The following RNF157 variants were observed in gnomAD, a reference collection of about 807,000 sequenced individuals.
RNF157 encodes E3 ubiquitin ligase RNF157.
In RNF157, 55 loss-of-function variants were observed where a neutral mutation model predicts 88.3. The ratio of observed to expected loss-of-function variants is 0.62; its 90% confidence interval spans 0.50 to 0.78. RNF157 has a LOEUF of 0.78. Among genes scored for constraint, RNF157 ranks in the 30% least tolerant of loss-of-function variants. RNF157 has a pLI of 0.00. For synonymous variants in RNF157, 334 were observed against 341.2 expected (o/e 0.98, Z 0.23); for missense variants, 788 against 860.8 (o/e 0.92, Z 1.06).
Position 76,144,960 on chromosome 17 carries a change from AGCTCCACCT to A in RNF157, c.*266_*274del, listed in dbSNP as rs749976993. 3.6e-4 allele frequency: 130 copies of A among 362,130 alleles called. No individual in the cohort carries two copies. Among genetic ancestry groups the A allele is most frequent in the Non-Finnish European group, 5.5e-4 (111 of 201,294 alleles). 22.4% of individuals were successfully genotyped at this position (362,130 alleles called of 1,614,324 possible). ...TGTAAGAAATTAGCCCATGGACCCC[AGCTCCACCT>A]GAACATCAATATACCGTGAGGACAT... On this transcript the variant is annotated 3_prime_UTR_variant, in exon 19 of 19. Transcript: ENST00000269391.
At chr17:76,203,769 CTTTT>C (rs778913227) in intron 2 of RNF157, among the ~76,000 whole-genome samples, 14 of 104,870 alleles carry the variant, frequency 1.3e-4, no homozygotes, top group Admixed American at 3.0e-4. Context: ...AGTTTTGTTG[CTTTT>C]TTTTTTTTTT....
At chr17:76,148,328 G>A (rs1309313926) in intron 18 of RNF157, among the ~76,000 whole-genome samples, 1 of 147,854 alleles carries the variant, frequency 6.8e-6, no homozygotes, top group East Asian at 2.0e-4. Flanking sequence ...GTGCAGTGGC[G>A]TGACCTCGGC....
Position 76,157,290 on chromosome 17 carries a change from G to A in RNF157, c.1414-969C>T, listed in dbSNP as rs1182778554. ...CAGTCACACAGTCCTTCTTGCCTGGGCTACTGAAACCCTCTCCTGGCTGGG... is the reference window on the plus strand; with the variant it reads ...CAGTCACACAGTCCTTCTTGCCTGGACTACTGAAACCCTCTCCTGGCTGGG... On this transcript the variant is annotated intron_variant, in intron 13 of 18. Transcript: ENST00000269391. This position sits in a 1 kb window ranked among gnomAD's most constrained non-coding sequence, Gnocchi z 5.6. 1.3e-5 allele frequency among the ~76,000 whole-genome samples: 2 copies of A among 152,208 alleles called. No homozygotes were observed. The highest frequency in any genetic ancestry group is 4.8e-5 in the African/African-American group (2 of 41,452).
chr17:76,163,534 C>T (rs1420829527), intron 8 of RNF157: 1 of 152,250 alleles, frequency 6.6e-6, no homozygotes, highest in Non-Finnish European at 1.5e-5. Flanking sequence ...AGGCCCAATC[C>T]CACTCCCATT....
At chr17:76,175,012 C>G (rs1314993853) in intron 2 of RNF157, among the ~76,000 whole-genome samples, 1 of 152,102 alleles carries the variant, frequency 6.6e-6, no homozygotes, top group Admixed American at 6.6e-5. Flanking sequence ...AAGTACAAAA[C>G]TATCCCTAAT....
At chr17:76,162,911 A>G (rs2068865933) in intron 8 of RNF157, 1 of 241,002 alleles carries the variant, frequency 4.1e-6, no homozygotes, top group Admixed American at 5.6e-5. Flanking sequence ...ATTATGGACA[A>G]TTAAGAAGGC....
chr17:76,240,178 G>T lies in RNF157; in HGVS notation c.63C>A (p.Ser21=), dbSNP rs773963583. The T allele has an allele frequency of 5.0e-6, 7 of 1,390,148 alleles. No homozygotes were observed. The highest frequency in any genetic ancestry group is 6.6e-6 in the Non-Finnish European group (7 of 1,057,958). 86.1% of individuals were successfully genotyped at this position (1,390,148 alleles called of 1,614,324 possible). Residue 21 remains serine, a synonymous_variant, in exon 1 of 19, where the codon TCC becomes TCA. Transcript: ENST00000269391. The surrounding 1 kb of genome is among the most constrained non-coding windows in gnomAD (Gnocchi z 4.4). ...CGGACTTGGGCGGGTAGCGGTACACGGAATTAGACGGGATGTCCACCTCCT... is the reference window on the plus strand; with the variant it reads ...CGGACTTGGGCGGGTAGCGGTACACTGAATTAGACGGGATGTCCACCTCCT... ...GVEEVDIPSN[S]VYRYPPKSGS...
chr17:76,190,242 C>T (rs1396594364), intron 2 of RNF157, among the ~76,000 whole-genome samples: 1 of 151,450 alleles, frequency 6.6e-6, no homozygotes, highest in Non-Finnish European at 1.5e-5. Context: ...TTTCGCCTCA[C>T]TGCGACTTCC....
intron 2 of RNF157, among the ~76,000 whole-genome samples, chr17:76,210,370 G>C (rs1317023840): frequency 4.0e-5 from 6 of 151,626 alleles, no homozygotes; most frequent in African/African-American, 1.2e-4. Context: ...AAGGTGGGCG[G>C]ATCACGAGGT....
At chr17:76,228,248 G>A (rs1360762832) in intron 1 of RNF157, among the ~76,000 whole-genome samples, 1 of 152,068 alleles carries the variant, frequency 6.6e-6, no homozygotes, top group African/African-American at 2.4e-5. Flanking sequence ...TTAGAGAAAG[G>A]CACACATCAA....
intron 3 of RNF157, 41 bp from the exon 4 acceptor site, chr17:76,167,838 A>G (rs753456294): frequency 5.7e-6 from 9 of 1,573,638 alleles, no homozygotes; most frequent in East Asian, 2.2e-5. Flanking sequence ...GTAGCATATC[A>G]ATATTTTAAA....
In RNF157 at chr17:76,167,696, G is replaced by C. The variant is rs769948421; in HGVS notation, c.398C>G (p.Thr133Ser). The change falls in exon 4 of 19, where the codon ACC becomes AGC. Residue 133 changes from threonine (T) to serine (S), a missense_variant. Coordinates refer to ENST00000269391, the MANE Select transcript of RNF157 (RefSeq NM_052916.3). The part of the protein sequence containing the change: ...TFDTDARVAI[T>S]IYYQATEEFQ... ...CTCTTCCGTGGCCTGGTAATAGATG[G>C]TGATGGCTACCCGAGCATCTGTGTC... 3 of 1,614,194 alleles carry C rather than the reference G, an allele frequency of 1.9e-6. No homozygotes were observed. In the Admixed American group the frequency reaches 5.0e-5, roughly 27 times the overall value.
intron 2 of RNF157, among the ~76,000 whole-genome samples, chr17:76,205,093 C>T (rs540384623): frequency 2.0e-3 from 297 of 151,436 alleles, no homozygotes; most frequent in Non-Finnish European, 3.9e-3. Flanking sequence ...AGTCTCCTTC[C>T]TTCCTCCCTC....
chr17:76,225,331 A>AAGAAAT (rs1485725113), intron 1 of RNF157, among the ~76,000 whole-genome samples: 1 of 152,180 alleles, frequency 6.6e-6, no homozygotes, highest in Non-Finnish European at 1.5e-5. Flanking sequence ...CAAAAAGAAA[A>AAGAAAT]AGAAATAGAA....
At chr17:76,169,486 G>T (rs1394659952) in intron 3 of RNF157, among the ~76,000 whole-genome samples, 1 of 151,806 alleles carries the variant, frequency 6.6e-6, no homozygotes, top group East Asian at 1.9e-4. Flanking sequence ...TGCCCAGGCT[G>T]GTCTCAAACT....
At position 76,145,189 on chromosome 17, in the gene RNF157, G is replaced by T; in HGVS notation, c.*46C>A. On this transcript the variant is annotated 3_prime_UTR_variant, in exon 19 of 19. Coordinates refer to ENST00000269391, the MANE Select transcript of RNF157 (RefSeq NM_052916.3). ...AGTAGGCAGCAGCTGAGTGAGGATG[G>T]ATGGAATGCAGGGCAGGAGGGGAGC... 7.8e-7 allele frequency: 1 copy of T among 1,287,814 alleles called. No individual in the cohort carries two copies. The highest frequency in any genetic ancestry group is 1.1e-6 in the Non-Finnish European group (1 of 894,554). The allele number at this position is 1,287,814 out of a possible 1,614,324, so 79.8% of individuals were successfully genotyped here. A position where few individuals can be genotyped will look rare whatever the true frequency, so the allele number is the denominator to read the frequency against.
chr17:76,206,970 G>A (rs2069691323), intron 2 of RNF157, among the ~76,000 whole-genome samples: 1 of 152,208 alleles, frequency 6.6e-6, no homozygotes, highest in Non-Finnish European at 1.5e-5. Context: ...GGTAATCTGA[G>A]CACCTGAGTG....
At chr17:76,208,966 T>A (rs1341188519) in intron 2 of RNF157, among the ~76,000 whole-genome samples, 1 of 147,464 alleles carries the variant, frequency 6.8e-6, no homozygotes, top group Admixed American at 6.6e-5. Flanking sequence ...AGAGTGAGAC[T>A]CTGCCTCAAA....
chr17:76,234,479 C>A (rs1163464084), intron 1 of RNF157, among the ~76,000 whole-genome samples: 1 of 152,180 alleles, frequency 6.6e-6, no homozygotes, highest in Non-Finnish European at 1.5e-5. Context: ...ATTTTACATT[C>A]ACACCGGCAG....
Sources: allele counts gnomAD v4.1 joint callset (sites outside exome capture counted in the v4.1 genomes callset), GRCh38; gene constraint gnomAD v4.1.1; non-coding constraint Gnocchi (gnomAD v3.1); transcripts MANE v1.5; gene names NCBI Gene and HGNC (gene_info 2026-07-23, HGNC 2026-07-21).